Variants in LRRTM4 observed in about 807,000 individuals in gnomAD.
LRRTM4 encodes leucine rich repeat transmembrane neuronal 4, also known as leucine-rich repeat transmembrane neuronal protein 4.
LRRTM4 carries 25 observed loss-of-function variants against 47.6 expected under a neutral mutation model. The observed-to-expected ratio is 0.53, with a 90% CI of 0.38 to 0.73. LRRTM4 has a LOEUF of 0.73. Ranked by LOEUF, LRRTM4 falls within the 30% of genes least tolerant of loss-of-function variation. The pLI is 0.00. For missense variants in LRRTM4, 638 were observed against 713.4 expected, an observed-to-expected ratio of 0.89 and a Z score of 1.20; for synonymous variants, 311 against 269.5, an observed-to-expected ratio of 1.15 and a Z score of -1.51.
At chr2:77,130,798 A>T (rs1159297732) in intron 3 of LRRTM4, among the ~76,000 whole-genome samples, 1 of 131,448 alleles carries the variant, frequency 7.6e-6, no homozygotes, top group Non-Finnish European at 1.6e-5. Flanking sequence ...AGTGTGAGCC[A>T]CCGTGCCCGG....
At chr2:77,156,578 C>T (rs1213363454) in intron 3 of LRRTM4, among the ~76,000 whole-genome samples, 2 of 151,938 alleles carry the variant, frequency 1.3e-5, no homozygotes, top group East Asian at 3.9e-4. Context: ...AGACTAAAAA[C>T]ATCCAAAACA....
intron 3 of LRRTM4, chr2:76,772,926 C>G (rs1239600776): frequency 6.6e-6 from 1 of 151,986 alleles, no homozygotes; most frequent in African/African-American, 2.4e-5. Context: ...ACCATATCAC[C>G]CTGTATGCGC....
At chr2:77,499,456 T>G (rs1250472664) in intron 3 of LRRTM4, among the ~76,000 whole-genome samples, 1 of 151,852 alleles carries the variant, frequency 6.6e-6, no homozygotes, top group East Asian at 1.9e-4. Context: ...GTGTTAATCT[T>G]GTCTCTGAGA....
At chr2:77,144,108 C>G (rs1224939250) in intron 3 of LRRTM4, among the ~76,000 whole-genome samples, 2 of 152,070 alleles carry the variant, frequency 1.3e-5, no homozygotes, top group Admixed American at 6.6e-5. Context: ...ATGACTTTAG[C>G]CAACCCAGTG....
chr2:76,828,999 C>A (rs1671260945), intron 3 of LRRTM4, among the ~76,000 whole-genome samples: 1 of 151,916 alleles, frequency 6.6e-6, no homozygotes, highest in Non-Finnish European at 1.5e-5. Flanking sequence ...TAGCCTAGCT[C>A]TGTCATTATT....
intron 3 of LRRTM4, among the ~76,000 whole-genome samples, chr2:76,785,972 C>G (rs1446299075): frequency 6.6e-6 from 1 of 152,100 alleles, no homozygotes; most frequent in Non-Finnish European, 1.5e-5. Context: ...ACTTGACGGA[C>G]TTCTGAACAA....
chr2:77,278,019 G>C (rs1676409229), intron 3 of LRRTM4, among the ~76,000 whole-genome samples: 1 of 151,864 alleles, frequency 6.6e-6, no homozygotes, highest in African/African-American at 2.4e-5. Flanking sequence ...AAGAACTGCT[G>C]CTGCAAAGTC....
chr2:76,814,260 T>G (rs1050534696), intron 3 of LRRTM4, among the ~76,000 whole-genome samples: 1 of 152,250 alleles, frequency 6.6e-6, no homozygotes, highest in South Asian at 2.1e-4. Context: ...AAAGAATAAC[T>G]TTTTACAGCT....
chr2:77,021,776 T>C (rs903604151), intron 3 of LRRTM4, among the ~76,000 whole-genome samples: 5 of 152,208 alleles, frequency 3.3e-5, no homozygotes, highest in Admixed American at 6.5e-5. Flanking sequence ...TATTTAGCAA[T>C]AGATAATGCA....
intron 3 of LRRTM4, among the ~76,000 whole-genome samples, chr2:76,809,632 G>T (rs537297318): frequency 3.9e-5 from 6 of 152,178 alleles, no homozygotes; most frequent in South Asian, 4.1e-4. Flanking sequence ...TTGGTTAAAT[G>T]TAAGTCAGAC....
chr2:77,301,185 CT>C (rs1184494095), intron 3 of LRRTM4, among the ~76,000 whole-genome samples: 1 of 151,984 alleles, frequency 6.6e-6, no homozygotes, highest in Non-Finnish European at 1.5e-5. Context: ...GGTTGCTTTT[CT>C]GTTCAACCTT....
intron 3 of LRRTM4, among the ~76,000 whole-genome samples, chr2:76,968,350 A>ATG (rs1365550397): frequency 0.022 from 2,228 of 103,532 alleles, 79 homozygotes; most frequent in African/African-American, 0.08. Flanking sequence ...GTATATATAT[A>ATG]TATATATATA....
At chr2:77,101,063 C>A (rs1291167297) in intron 3 of LRRTM4, among the ~76,000 whole-genome samples, 3 of 151,922 alleles carry the variant, frequency 2.0e-5, no homozygotes, top group Admixed American at 6.6e-5. Context: ...TCTTGATCTC[C>A]TGACCTCGTG....
chr2:77,160,854 T>C (rs1023522129), intron 3 of LRRTM4, among the ~76,000 whole-genome samples: 23 of 152,192 alleles, frequency 1.5e-4, no homozygotes, highest in African/African-American at 5.3e-4. Context: ...CCTTTCTGTC[T>C]GATTTTTTCC....
chr2:76,803,014 G>T (rs951394352), intron 3 of LRRTM4, among the ~76,000 whole-genome samples: 2 of 152,056 alleles, frequency 1.3e-5, no homozygotes, highest in Non-Finnish European at 2.9e-5. Context: ...GAAAACAGGG[G>T]ATAAGCTCCA....
chr2:77,476,604 T>A (rs1396230010), intron 3 of LRRTM4, among the ~76,000 whole-genome samples: 2 of 152,090 alleles, frequency 1.3e-5, no homozygotes, highest in Non-Finnish European at 2.9e-5. Flanking sequence ...AAAGCCAAAT[T>A]TGTTTTGGAA....
chr2:76,970,771 G>A (rs1676191392), intron 3 of LRRTM4, among the ~76,000 whole-genome samples: 1 of 152,030 alleles, frequency 6.6e-6, no homozygotes, highest in African/African-American at 2.4e-5. Flanking sequence ...TGATTGGATT[G>A]GAAGGTGTTT....
At chr2:76,835,168 A>G (rs573332590) in intron 3 of LRRTM4, among the ~76,000 whole-genome samples, 39 of 152,228 alleles carry the variant, frequency 2.6e-4, no homozygotes, top group African/African-American at 9.4e-4. Flanking sequence ...TCCCAAACAG[A>G]GCTCATTCTT....
chr2:77,220,009 T>A (rs1441738640), intron 3 of LRRTM4, among the ~76,000 whole-genome samples: 8 of 152,210 alleles, frequency 5.3e-5, no homozygotes, highest in Non-Finnish European at 1.0e-4. Context: ...GAGACAAAAC[T>A]TCCAGAGGAA....
Sources: allele counts gnomAD v4.1 joint callset (sites outside exome capture counted in the v4.1 genomes callset), GRCh38; gene constraint gnomAD v4.1.1; transcripts MANE v1.5; gene names NCBI Gene and HGNC (gene_info 2026-07-23, HGNC 2026-07-21).